RGS22: variants seen among roughly 807,000 people sequenced by gnomAD.
RGS22 encodes regulator of G-protein signaling 22.
RGS22 carries 148 observed loss-of-function variants against 172.9 expected under a neutral mutation model. The ratio of observed to expected loss-of-function variants is 0.86; its 90% CI spans 0.75 to 0.98. The LOEUF is 0.98. Ranked by LOEUF, RGS22 falls within the 50% of genes least tolerant of loss-of-function variation. The pLI is 0.00. For synonymous variants in RGS22, 458 were observed against 480.2 expected (o/e 0.95, Z 0.60); for missense variants, 1,347 against 1,440.8 (o/e 0.93, Z 1.05).
At chr8:100,004,699 G>GT (rs1458065401) in intron 16 of RGS22, 2 of 151,366 alleles carry the variant, frequency 1.3e-5, no homozygotes. Context: ...TTGTGATCTG[G>GT]TTCTTTTTCT....
At position 100,008,451 on chromosome 8, in the gene RGS22, G is replaced by C; in HGVS notation, c.2285C>G (p.Ala762Gly). 2.5e-6 allele frequency: 4 copies of C among 1,613,638 alleles called. No individual in the cohort carries two copies. The highest frequency in any genetic ancestry group is 3.4e-6 in the Non-Finnish European group (4 of 1,179,796). Residue 762 changes from alanine (A) to glycine (G), a missense_variant, in exon 15 of 28, where the codon GCA (alanine) becomes GGA (glycine). Ala to Gly is a moderately conservative substitution (Grantham distance 60). Coordinates refer to ENST00000360863, the MANE Select transcript of RGS22 (RefSeq NM_015668.5). Reference sequence around the variant, plus strand: ...AAGGAGGAGAAGGATATATTCCTCTGCTGTGTCAAAAAGGTCTTCAAATGG... The same window carrying C: ...AAGGAGGAGAAGGATATATTCCTCTCCTGTGTCAAAAAGGTCTTCAAATGG... ...QPPFEDLFDT[A>G]EEYILLLLLE... is the part of the protein sequence containing the mutation.
At chr8:99,981,162 CA>C (rs1190487735) in intron 22 of RGS22, among the ~76,000 whole-genome samples, 3 of 152,110 alleles carry the variant, frequency 2.0e-5, no homozygotes. Context: ...TTTTTAGTAA[CA>C]ACATCACTAA....
chr8:99,978,081 T>C lies in RGS22; in HGVS notation c.3361-6A>G. On this transcript the variant is annotated splice_region_variant and splice_polypyrimidine_tract_variant and intron_variant, in intron 22 of 27. Coordinates refer to ENST00000360863, the MANE Select transcript of RGS22 (RefSeq NM_015668.5). ...AGAACCCCAAAAATTGTCATCTGTA[T>C]AAAAAAAAGTCTAAGATTACAATTT... The C allele has an allele frequency of 4.7e-6, 7 of 1,493,600 alleles. No homozygotes were observed. Among genetic ancestry groups the C allele is most frequent in the Non-Finnish European group, 6.2e-6 (7 of 1,126,972 alleles). 92.5% of individuals were successfully genotyped at this position (1,493,600 alleles called of 1,614,324 possible). A position where few individuals can be genotyped will look rare whatever the true frequency, so the allele number is the denominator to read the frequency against.
chr8:100,041,518 A>G (rs2131605702), intron 12 of RGS22, among the ~76,000 whole-genome samples: 1 of 152,206 alleles, frequency 6.6e-6, no homozygotes, highest in Non-Finnish European at 1.5e-5. Context: ...TAGGCTTCTA[A>G]AATGTAACAT....
intron 14 of RGS22, among the ~76,000 whole-genome samples, chr8:100,013,904 C>G (rs995939404): frequency 6.6e-6 from 1 of 152,160 alleles, no homozygotes; most frequent in Non-Finnish European, 1.5e-5. Flanking sequence ...CAAGTTCCTA[C>G]TAAAAACATA....
intron 15 of RGS22, among the ~76,000 whole-genome samples, chr8:100,007,761 CAAT>C (rs201643163): frequency 0.014 from 1,871 of 138,032 alleles, 32 homozygotes; most frequent in Admixed American, 0.061. Context: ...CGTTAGACAA[CAAT>C]AAGAAAACCG....
At chr8:99,995,267 G>C (rs1393653382) in intron 20 of RGS22, among the ~76,000 whole-genome samples, 2 of 152,006 alleles carry the variant, frequency 1.3e-5, no homozygotes, top group Non-Finnish European at 2.9e-5. Flanking sequence ...TAGACAAACG[G>C]GATCTAATTA....
At chr8:100,031,009 T>C (rs11779445) in intron 14 of RGS22, among the ~76,000 whole-genome samples, 87,272 of 151,982 alleles carry the variant, frequency 0.57, 25,240 homozygotes, top group Admixed American at 0.63. Flanking sequence ...AGATCCTTGA[T>C]TTATTTGAGA....
intron 9 of RGS22, among the ~76,000 whole-genome samples, chr8:100,057,388 G>T (rs1249172469): frequency 2.0e-5 from 3 of 152,148 alleles, no homozygotes; most frequent in Non-Finnish European, 4.4e-5. Flanking sequence ...ATGGTGTTTT[G>T]AAATGTGAAA....
Position 100,008,195 on chromosome 8 carries a change from G to A in RGS22, c.2361+180C>T, listed in dbSNP as rs141674773. ...TGGGATTACAGGCGCCCACCACCACGCCTGGCTAATTTTTGTATTTTTAGT... is the reference window on the plus strand; with the variant it reads ...TGGGATTACAGGCGCCCACCACCACACCTGGCTAATTTTTGTATTTTTAGT... On this transcript the variant is annotated intron_variant, in intron 15 of 27. Transcript: ENST00000360863. Among the ~76,000 whole-genome samples, 805 of 151,756 alleles carry A rather than the reference G, an allele frequency of 5.3e-3. 7 individuals are homozygous for A. The highest frequency in any genetic ancestry group is 0.018 in the African/African-American group (737 of 41,352).
chr8:100,105,981 T>C lies in RGS22; in HGVS notation c.-60A>G. On this transcript the variant is annotated 5_prime_UTR_variant, in exon 1 of 28. Transcript: ENST00000360863. ...GGCCGTCAGGGCCCTAGCGCGCGGG[T>C]CCAGCGCGGGTCAGGGCCTGAGCGA... is the stretch of plus-strand genomic sequence containing the variant. 6 of 1,333,324 alleles carry C rather than the reference T, an allele frequency of 4.5e-6. No homozygotes were observed. Among genetic ancestry groups the C allele is most frequent in the Non-Finnish European group, 9.6e-7 (1 of 1,046,674 alleles). 82.6% of individuals were successfully genotyped at this position (1,333,324 alleles called of 1,614,324 possible). A position where few individuals can be genotyped will look rare whatever the true frequency, so the allele number is the denominator to read the frequency against.
intron 11 of RGS22, among the ~76,000 whole-genome samples, chr8:100,045,103 C>T (rs1368220266): frequency 2.0e-5 from 3 of 150,220 alleles, no homozygotes; most frequent in Non-Finnish European, 4.4e-5. Flanking sequence ...ATTGAGAGAA[C>T]CCATCTCTAC....
intron 24 of RGS22, among the ~76,000 whole-genome samples, chr8:99,963,804 G>A (rs1196795193): frequency 1.3e-5 from 2 of 152,054 alleles, no homozygotes; most frequent in Non-Finnish European, 2.9e-5. Context: ...TTCAGATTTT[G>A]GTATCTGCAG....
At chr8:100,041,677 A>C (rs1586090080) in intron 12 of RGS22, 125 bp downstream of exon 12, 1 of 573,352 alleles carries the variant, frequency 1.7e-6, no homozygotes, top group East Asian at 3.0e-5. Flanking sequence ...TGGCAAGGAA[A>C]AAAATCAAAT....
chr8:99,970,375 C>A (rs1466479037), intron 23 of RGS22, among the ~76,000 whole-genome samples: 1 of 152,052 alleles, frequency 6.6e-6, no homozygotes, highest in Non-Finnish European at 1.5e-5. Context: ...TAAGAAATAA[C>A]TAAGATCAGA....
rs761977334 is a variant in RGS22, at chr8:99,996,523, A to T, written c.2957T>A (p.Met986Lys). The T allele has an allele frequency of 6.2e-7, 1 of 1,612,906 alleles. No homozygotes were observed. The highest frequency in any genetic ancestry group is 1.3e-5 in the African/African-American group (1 of 74,860). Reference sequence around the variant, plus strand: ...TAAGAGCTCTTCTGCTATGTCTTTCATCTGTACCTGAAAGCAAAACCAATT... The same window carrying T: ...TAAGAGCTCTTCTGCTATGTCTTTCTTCTGTACCTGAAAGCAAAACCAATT... ...FAARQKIKVQ[M>K]KDIAEELLLQ... is the part of the protein sequence containing the mutation. Residue 986 changes from methionine to lysine, a missense_variant, in exon 20 of 28, where the codon ATG becomes AAG. Transcript: ENST00000360863.
chr8:100,077,213 T>G (rs1367238042), intron 4 of RGS22, among the ~76,000 whole-genome samples: 6 of 152,154 alleles, frequency 3.9e-5, no homozygotes, highest in African/African-American at 1.4e-4. Context: ...CAAGGCTTTA[T>G]TTTCATGGAT....
intron 20 of RGS22, among the ~76,000 whole-genome samples, chr8:99,993,291 A>G (rs1813968444): frequency 6.6e-6 from 1 of 152,180 alleles, no homozygotes; most frequent in African/African-American, 2.4e-5. Context: ...AGAGATAGAG[A>G]CACAAAAAAC....
chr8:99,991,239 C>G (rs192118008), intron 20 of RGS22, among the ~76,000 whole-genome samples: 1 of 152,230 alleles, frequency 6.6e-6, no homozygotes. Context: ...TCACCAGCAA[C>G]GGAATAAAGC....
Sources: gnomAD v4.1 joint callset for allele counts (sites outside exome capture counted in the v4.1 genomes callset) on GRCh38, gnomAD v4.1.1 for gene constraint, MANE v1.5 for transcripts, NCBI Gene and HGNC (gene_info 2026-07-23, HGNC 2026-07-21) for gene names.